The following MTMR14 variants were observed in gnomAD, a reference collection of about 807,000 sequenced individuals.
MTMR14 encodes the protein myotubularin related protein 14.
A neutral mutation model predicts 86.3 loss-of-function variants in MTMR14; 48 were observed. The observed-to-expected ratio is 0.56, with a 90% CI of 0.44 to 0.71. The LOEUF is 0.71. MTMR14 is among the 30% of genes least tolerant of loss of function. The probability of loss-of-function intolerance (pLI) is 0.00; values close to 1 mark genes in which losing one functional copy is unlikely to be tolerated. For synonymous variants in MTMR14, 366 were observed against 326.1 expected, an observed-to-expected ratio of 1.12 and a Z score of -1.32; for missense variants, 780 against 834.6, an observed-to-expected ratio of 0.93 and a Z score of 0.81.
At chr3:9,663,335 A>C (rs1436803290) in intron 3 of MTMR14, among the ~76,000 whole-genome samples, 1 of 151,972 alleles carries the variant, frequency 6.6e-6, no homozygotes, top group Admixed American at 6.6e-5. Context: ...GGAGGAAGGA[A>C]GGGAGACTCT....
chr3:9,661,242 G>A (rs1189575157), intron 2 of MTMR14, among the ~76,000 whole-genome samples: 2 of 152,186 alleles, frequency 1.3e-5, no homozygotes, highest in Non-Finnish European at 2.9e-5. Context: ...TGGCACCAGG[G>A]ACTGGTTTCA....
At position 9,701,712 on chromosome 3, in the gene MTMR14, TATGG is replaced by T. The variant is rs2076463783; in HGVS notation, c.1770-76_1770-73del. On this transcript the variant is annotated intron_variant, in intron 18 of 18. Transcript: ENST00000296003. This position sits in a 1 kb window ranked among gnomAD's most constrained non-coding sequence, Gnocchi z 4.2. Reference sequence around the variant, plus strand: ...TCAGAAGAAGCACAAGGACAGGTGGTATGGAGGGAGGGAGGATGAGGATACTGGG... The same window carrying T: ...TCAGAAGAAGCACAAGGACAGGTGGTAGGGAGGGAGGATGAGGATACTGGG... The T allele has an allele frequency of 3.6e-6, 4 of 1,096,268 alleles. No individual in the cohort carries two copies. Among genetic ancestry groups the T allele is most frequent in the East Asian group, 2.7e-5 (1 of 36,790 alleles). The allele number at this position is 1,096,268 out of a possible 1,614,324, so 67.9% of individuals were successfully genotyped here. A position where few individuals can be genotyped will look rare whatever the true frequency, so the allele number is the denominator to read the frequency against.
chr3:9,660,041 C>T (rs570268746), intron 2 of MTMR14, among the ~76,000 whole-genome samples: 3 of 152,320 alleles, frequency 2.0e-5, no homozygotes, highest in East Asian at 1.9e-4. Context: ...TATGTGACAT[C>T]GGCCACGGGC....
chr3:9,663,055 C>T (rs897986785), intron 3 of MTMR14, among the ~76,000 whole-genome samples: 2 of 152,268 alleles, frequency 1.3e-5, no homozygotes, highest in African/African-American at 4.8e-5. Flanking sequence ...GACGGCTGAA[C>T]GCTGAGCAGG....
intron 17 of MTMR14, among the ~76,000 whole-genome samples, chr3:9,691,418 G>A (rs1192132085): frequency 1.3e-5 from 2 of 152,222 alleles, no homozygotes; most frequent in Non-Finnish European, 2.9e-5. Context: ...CCACTCTGAG[G>A]CTGCAGTGGC....
chr3:9,653,296 A>G (rs1209577297), intron 1 of MTMR14, among the ~76,000 whole-genome samples: 4 of 152,220 alleles, frequency 2.6e-5, no homozygotes, highest in South Asian at 2.1e-4. Flanking sequence ...TGGCAGTTTC[A>G]GTAACCTGGA....
chr3:9,687,992 C>A, intron 14 of MTMR14, 101 bp downstream of exon 14: 1 of 1,028,650 alleles, frequency 9.7e-7, no homozygotes, highest in East Asian at 2.6e-5. Context: ...GCCCTGCCTC[C>A]CTGCTTGTTG....
At chr3:9,689,932 C>G in intron 16 of MTMR14, 32 bp from the exon 17 acceptor site, 2 of 1,594,030 alleles carry the variant, frequency 1.3e-6, no homozygotes, top group Non-Finnish European at 1.7e-6. Context: ...TGCAGTGGCC[C>G]CCGGCTCACA....
intron 9 of MTMR14, among the ~76,000 whole-genome samples, chr3:9,682,916 T>C: frequency 6.6e-6 from 1 of 150,468 alleles, no homozygotes; most frequent in African/African-American, 2.5e-5. Context: ...TGTTCCTCAC[T>C]CTCACATTGG....
intron 9 of MTMR14, among the ~76,000 whole-genome samples, chr3:9,681,984 TCCTCGGCAGGG>T (rs1265302049): frequency 6.6e-6 from 1 of 152,172 alleles, no homozygotes; most frequent in African/African-American, 2.4e-5. Context: ...AGCTCTCTTG[TCCTCGGCAGGG>T]CCTGCCCTCC....
rs188574175 is a variant in MTMR14 at position 9,660,412 on chromosome 3, C to T, written c.309-1855C>T. ...TAGCTGGGATTACAGGCACGCGCCA[C>T]CACGCCAGGCTAATTTTTTTGTATT... On this transcript the variant is annotated intron_variant, in intron 2 of 18. Coordinates refer to ENST00000296003, the MANE Select transcript of MTMR14 (RefSeq NM_001077525.3). Among the ~76,000 whole-genome samples the T allele has an allele frequency of 2.0e-5, 3 of 152,274 alleles. No individual in the cohort carries two copies. In the East Asian group the frequency reaches 5.8e-4, roughly 29 times the overall value.
chr3:9,693,370 G>C (rs1223794478), intron 17 of MTMR14, among the ~76,000 whole-genome samples: 1 of 152,204 alleles, frequency 6.6e-6, no homozygotes, highest in African/African-American at 2.4e-5. Flanking sequence ...AGTGACTCTT[G>C]AACAATGCAG....
intron 3 of MTMR14, among the ~76,000 whole-genome samples, chr3:9,668,067 G>A (rs773824684): frequency 1.4e-4 from 22 of 151,930 alleles, no homozygotes; most frequent in Non-Finnish European, 2.5e-4. Flanking sequence ...TTTTAAACAA[G>A]TAACCTTACA....
chr3:9,680,262 A>G (rs2075717897), intron 9 of MTMR14, among the ~76,000 whole-genome samples: 1 of 152,162 alleles, frequency 6.6e-6, no homozygotes, highest in Non-Finnish European at 1.5e-5. Context: ...CTCTGCCCCT[A>G]GTGCAACTGC....
chr3:9,687,744 A>C, intron 13 of MTMR14, 77 bp from the exon 14 acceptor site: 2 of 1,240,798 alleles, frequency 1.6e-6, no homozygotes, highest in Non-Finnish European at 1.1e-6. Context: ...CCTTGACCTG[A>C]GTGGCTGGCC....
chr3:9,682,040 G>A lies in MTMR14; in HGVS notation c.898-1138G>A, dbSNP rs548741724. On this transcript the variant is annotated intron_variant, in intron 9 of 18. Coordinates refer to ENST00000296003, the MANE Select transcript of MTMR14 (RefSeq NM_001077525.3). ...GCAGTCTTCCCCTAGCCCACCTGAC[G>A]CTCACTGGGCTTGGTACAGTGCAGC... Among the ~76,000 whole-genome samples the A allele has an allele frequency of 3.3e-5, 5 of 152,302 alleles. No individual in the cohort carries two copies. In the South Asian group the frequency reaches 1.0e-3, roughly 32 times the overall value.
chr3:9,653,434 A>T (rs751835032), intron 1 of MTMR14, among the ~76,000 whole-genome samples, 187 bp from the exon 2 acceptor site: 13 of 146,206 alleles, frequency 8.9e-5, no homozygotes, highest in Non-Finnish European at 1.8e-4. Context: ...TCCTTCCTGA[A>T]GTATACAATA....
intron 9 of MTMR14, among the ~76,000 whole-genome samples, chr3:9,682,679 A>G (rs2075806525): frequency 6.6e-6 from 1 of 152,272 alleles, no homozygotes; most frequent in African/African-American, 2.4e-5. Flanking sequence ...AATAGCACTA[A>G]AAAGCAAATG....
In MTMR14 at chr3:9,671,180, G is replaced by A; in HGVS notation, c.677+10G>A. ...TGAAGTTTGGCATGAAGTAAGTACA[G>A]GCGCCCACTACAAAATGAGCAGAGG... On this transcript the variant is annotated intron_variant, in intron 6 of 18. Transcript: ENST00000296003. The A allele has an allele frequency of 6.2e-7, 1 of 1,614,188 alleles. No individual in the cohort carries two copies. Among genetic ancestry groups the A allele is most frequent in the Non-Finnish European group, 8.5e-7 (1 of 1,179,998 alleles).
Sources: allele counts gnomAD v4.1 joint callset (sites outside exome capture counted in the v4.1 genomes callset), GRCh38; gene constraint gnomAD v4.1.1; non-coding constraint Gnocchi (gnomAD v3.1); transcripts MANE v1.5; gene names NCBI Gene and HGNC (gene_info 2026-07-23, HGNC 2026-07-21).